Variants in CR1L observed in about 807,000 individuals in gnomAD.
The protein encoded by CR1L is complement C3b/C4b receptor 1 like.
CR1L carries 59 observed loss-of-function variants against 62.3 expected under a neutral mutation model. The observed-to-expected ratio is 0.95, with a 90% CI of 0.77 to 1.18. The LOEUF is 1.18. CR1L is among the 50% of genes most tolerant of loss of function. CR1L has a pLI of 0.00. For synonymous variants in CR1L, 279 were observed against 248.7 expected, an observed-to-expected ratio of 1.12 and a Z score of -1.15; for missense variants, 700 against 702.8, an observed-to-expected ratio of 1.00 and a Z score of 0.04.
In CR1L at chr1:207,697,481, T is replaced by A. The variant is rs369756883; in HGVS notation, c.863-22T>A. On this transcript the variant is annotated intron_variant, in intron 5 of 11. Transcript: ENST00000508064. The stretch of plus-strand genomic sequence containing the variant: ...AAAGTTATTTTCACACAATTAGCAG[T>A]ACTTTGTTTCTCTCTCCCCAGTATG... 1.9e-5 allele frequency: 30 copies of A among 1,613,634 alleles called. No individual in the cohort carries two copies. The African/African-American group carries it at 3.5e-4, about 19-fold the overall frequency.
chr1:207,710,558 G>C lies in CR1L; in HGVS notation c.1414+2295G>C. Reference sequence around the variant, plus strand: ...ATACTGCACCAGCAAAGATGATCAAGTGGTCGTCTGGAGCGGCCCAGTCCC... The same window carrying C: ...ATACTGCACCAGCAAAGATGATCAACTGGTCGTCTGGAGCGGCCCAGTCCC... On this transcript the variant is annotated intron_variant, in intron 10 of 11. Coordinates refer to ENST00000508064, the MANE Select transcript of CR1L (RefSeq NM_175710.2). 3 of 1,609,746 alleles carry C rather than the reference G, an allele frequency of 1.9e-6. No homozygotes were observed. In the Admixed American group the frequency reaches 5.0e-5, roughly 27 times the overall value.
intron 2 of CR1L, 67 bp downstream of exon 2, chr1:207,677,635 C>A (rs556922408): frequency 7.4e-5 from 115 of 1,544,690 alleles, no homozygotes; most frequent in Non-Finnish European, 9.6e-5. Context: ...TCAATTTGTT[C>A]AAATTTTGTA....
Position 207,713,200 on chromosome 1 carries a change from G to T in CR1L, c.1415-4264G>T, listed in dbSNP as rs183630743. On this transcript the variant is annotated intron_variant, in intron 10 of 11. Transcript: ENST00000508064. ...TGGGTACACAGTTGGAACTTGAAATGAATGGGTACGTATTTATTTGGAGGC... is the reference window on the plus strand; with the variant it reads ...TGGGTACACAGTTGGAACTTGAAATTAATGGGTACGTATTTATTTGGAGGC... 2.2e-3 allele frequency among the ~76,000 whole-genome samples: 328 copies of T among 152,222 alleles called. 3 individuals are homozygous for T. Among genetic ancestry groups the T allele is most frequent in the African/African-American group, 7.3e-3 (305 of 41,556 alleles).
intron 1 of CR1L, among the ~76,000 whole-genome samples, chr1:207,661,762 A>G (rs1290599726): frequency 6.6e-6 from 1 of 151,984 alleles, no homozygotes; most frequent in African/African-American, 2.4e-5. Flanking sequence ...ACAATTTGGC[A>G]TGTTTTTGCA....
At chr1:207,706,515 C>T (rs1049580905) in intron 9 of CR1L, among the ~76,000 whole-genome samples, 2 of 152,022 alleles carry the variant, frequency 1.3e-5, no homozygotes, top group African/African-American at 2.4e-5. Context: ...TAAGCCCATA[C>T]CTAGCCATCA....
chr1:207,705,406 G>A (rs975493547), intron 9 of CR1L, among the ~76,000 whole-genome samples: 2 of 152,182 alleles, frequency 1.3e-5, no homozygotes, highest in Non-Finnish European at 2.9e-5. Context: ...TGCTCACAGC[G>A]CATGGTCCAG....
At chr1:207,706,869 A>T (rs540135013) in intron 9 of CR1L, among the ~76,000 whole-genome samples, 1 of 152,344 alleles carries the variant, frequency 6.6e-6, no homozygotes, top group African/African-American at 2.4e-5. Context: ...ACAAAAAACC[A>T]TAAACACAAA....
chr1:207,676,203 T>A (rs1663689373), intron 1 of CR1L, among the ~76,000 whole-genome samples: 1 of 152,186 alleles, frequency 6.6e-6, no homozygotes, highest in African/African-American at 2.4e-5. Context: ...ATAAATAGCT[T>A]AGTTTTCTTC....
At chr1:207,689,835 GGTAA>G (rs1423713529) in intron 4 of CR1L, among the ~76,000 whole-genome samples, 3 of 151,674 alleles carry the variant, frequency 2.0e-5, no homozygotes, top group African/African-American at 7.3e-5. Context: ...AATTAGTTTG[GGTAA>G]GTTATATTTT....
chr1:207,673,197 T>G (rs1298557022), intron 1 of CR1L, among the ~76,000 whole-genome samples: 1 of 152,244 alleles, frequency 6.6e-6, no homozygotes, highest in Non-Finnish European at 1.5e-5. Flanking sequence ...TCACTGTGGC[T>G]GTTTTTTGTC....
chr1:207,708,274 A>T lies in CR1L; in HGVS notation c.1414+11A>T, dbSNP rs186942279. On this transcript the variant is annotated intron_variant, in intron 10 of 11. Transcript: ENST00000508064. ...CACCAATTTGTCAACGTGAGTTGAA[A>T]TCTCTTTCCCCATTCACCCCACCAT... The T allele has an allele frequency of 5.5e-4, 894 of 1,610,820 alleles. 2 individuals are homozygous for T. In the African/African-American group the frequency reaches 8.9e-3, roughly 16 times the overall value.
intron 9 of CR1L, 180 bp downstream of exon 9, chr1:207,701,798 C>A: frequency 1.1e-6 from 1 of 929,146 alleles, no homozygotes; most frequent in South Asian, 1.4e-5. Context: ...AATCTGTGTC[C>A]TTGCTGGAAA....
At chr1:207,663,141 G>A (rs893717842) in intron 1 of CR1L, among the ~76,000 whole-genome samples, 8 of 152,320 alleles carry the variant, frequency 5.3e-5, no homozygotes, top group Non-Finnish European at 5.9e-5. Context: ...CTCAAGCTGC[G>A]TGCTGGGAGA....
At position 207,701,569 on chromosome 1, in the gene CR1L, A is replaced by G. The variant is rs753673560; in HGVS notation, c.1279A>G (p.Ile427Val). The G allele has an allele frequency of 6.2e-7, 1 of 1,613,818 alleles. No homozygotes were observed. Among genetic ancestry groups the G allele is most frequent in the Non-Finnish European group, 8.5e-7 (1 of 1,179,756 alleles). ...PVPVNGMVHV[I>V]TDIHVGSRIN... ...TCCAGTGAATGGCATGGTGCATGTG[A>G]TCACAGACATCCATGTTGGATCCAG... is the stretch of plus-strand genomic sequence containing the variant. Residue 427 changes from isoleucine to valine, a missense_variant, in exon 9 of 12, where the codon ATC becomes GTC. Transcript: ENST00000508064.
chr1:207,699,891 C>T (rs549058551), intron 8 of CR1L, among the ~76,000 whole-genome samples: 26 of 151,936 alleles, frequency 1.7e-4, no homozygotes, highest in African/African-American at 4.6e-4. Context: ...TTAAATGCTA[C>T]GGATAATAGA....
intron 4 of CR1L, among the ~76,000 whole-genome samples, chr1:207,694,021 TCA>T (rs1181980332): frequency 2.0e-5 from 3 of 152,258 alleles, no homozygotes; most frequent in Non-Finnish European, 2.9e-5. Context: ...AAGGCTAACC[TCA>T]GTTATTAACA....
intron 1 of CR1L, among the ~76,000 whole-genome samples, chr1:207,661,944 T>C (rs11590205): frequency 0.038 from 5,832 of 152,276 alleles, 175 homozygotes; most frequent in South Asian, 0.12. Context: ...GGTTGAAAAT[T>C]CTTTTCTTTA....
At chr1:207,672,330 C>T (rs1348802756) in intron 1 of CR1L, among the ~76,000 whole-genome samples, 1 of 150,242 alleles carries the variant, frequency 6.7e-6, no homozygotes, top group African/African-American at 2.5e-5. Context: ...TCCAAGAAGG[C>T]ATAACAATAT....
chr1:207,702,701 T>C (rs1571529724), intron 9 of CR1L, among the ~76,000 whole-genome samples: 1 of 152,244 alleles, frequency 6.6e-6, no homozygotes, highest in Admixed American at 6.5e-5. Flanking sequence ...ACTAGACATA[T>C]TTCCTTAAGC....
Sources: allele counts gnomAD v4.1 joint callset (sites outside exome capture counted in the v4.1 genomes callset), GRCh38; gene constraint gnomAD v4.1.1; transcripts MANE v1.5; gene names NCBI Gene and HGNC (gene_info 2026-07-23, HGNC 2026-07-21).